SLC4A10: variants seen among roughly 807,000 people sequenced by gnomAD.
The protein encoded by SLC4A10 is sodium-driven chloride bicarbonate exchanger.
In SLC4A10, 42 loss-of-function variants were observed where a neutral mutation model predicts 137.7. That is an observed-to-expected ratio of 0.30 (90% CI 0.24 to 0.39). SLC4A10 has a LOEUF of 0.39. SLC4A10 is among the 10% of genes least tolerant of loss of function. SLC4A10 has a pLI of 1.00. For missense variants in SLC4A10, 925 were observed against 1,355.0 expected, an observed-to-expected ratio of 0.68 and a Z score of 4.98; for synonymous variants, 474 against 464.1, an observed-to-expected ratio of 1.02 and a Z score of -0.27.
chr2:161,823,751 A>G (rs1197164998), intron 3 of SLC4A10, among the ~76,000 whole-genome samples: 6 of 152,230 alleles, frequency 3.9e-5, no homozygotes, highest in Admixed American at 6.5e-5. Flanking sequence ...GATTTTTGTA[A>G]GAGAAAGGAT....
intron 3 of SLC4A10, among the ~76,000 whole-genome samples, chr2:161,830,332 A>G (rs2125735312): frequency 6.6e-6 from 1 of 152,276 alleles, no homozygotes; most frequent in Non-Finnish European, 1.5e-5. Context: ...GGCAGTTTGA[A>G]ATATTAATCC....
chr2:161,978,384 C>CAAAAAAAAAAAAAAAAAAAAAAAAAAAAA (rs61399867), intron 26 of SLC4A10, among the ~76,000 whole-genome samples: 1 of 90,508 alleles, frequency 1.1e-5, no homozygotes, highest in Non-Finnish European at 2.1e-5. Context: ...GAGACTCTGT[C>CAAAAAAAAAAAAAAAAAAAAAAAAAAAAA]AAAAAAAAAA....
At chr2:161,848,656 A>G (rs144097516) in intron 4 of SLC4A10, among the ~76,000 whole-genome samples, 2 of 151,942 alleles carry the variant, frequency 1.3e-5, no homozygotes, top group East Asian at 1.9e-4. Context: ...CTCATTGCTT[A>G]TTTTTATTGG....
At chr2:161,974,408 G>A in intron 24 of SLC4A10, 92 bp downstream of exon 24, 1 of 990,182 alleles carries the variant, frequency 1.0e-6, no homozygotes, top group Non-Finnish European at 1.4e-6. Flanking sequence ...TCCTCAGAGA[G>A]GTTTCTTGAA....
intron 1 of SLC4A10, among the ~76,000 whole-genome samples, chr2:161,703,255 A>G (rs1185153844): frequency 6.6e-6 from 1 of 151,746 alleles, no homozygotes; most frequent in African/African-American, 2.4e-5. Context: ...ATAATATTGA[A>G]AAATGGAAAA....
At chr2:161,759,652 TG>T (rs2050037407) in intron 1 of SLC4A10, among the ~76,000 whole-genome samples, 1 of 152,020 alleles carries the variant, frequency 6.6e-6, no homozygotes, top group African/African-American at 2.4e-5. Context: ...ATGTCATCTT[TG>T]GAAAAATGTT....
chr2:161,945,195 T>TGC (rs1188528354), intron 16 of SLC4A10, among the ~76,000 whole-genome samples: 1 of 44,612 alleles, frequency 2.2e-5, no homozygotes, highest in African/African-American at 7.2e-5. Flanking sequence ...TATATATATA[T>TGC]ATATATATAT....
intron 9 of SLC4A10, among the ~76,000 whole-genome samples, chr2:161,880,669 C>T (rs1471677075): frequency 6.6e-6 from 1 of 152,118 alleles, no homozygotes; most frequent in East Asian, 1.9e-4. Context: ...TTTCTATGGA[C>T]AACCTGTAAC....
intron 1 of SLC4A10, among the ~76,000 whole-genome samples, chr2:161,765,344 C>A (rs981386324): frequency 2.0e-5 from 3 of 152,042 alleles, no homozygotes; most frequent in Non-Finnish European, 2.9e-5. Flanking sequence ...TGGTGGCTCA[C>A]GCCTGTAATC....
intron 8 of SLC4A10, 96 bp downstream of exon 8, chr2:161,874,101 T>C (rs1178514246): frequency 7.4e-6 from 9 of 1,212,536 alleles, no homozygotes; most frequent in Non-Finnish European, 1.0e-5. Context: ...TTGAAATGTA[T>C]TCCATCTGCC....
At chr2:161,804,812 T>C (rs1198818889) in intron 3 of SLC4A10, among the ~76,000 whole-genome samples, 10 of 152,142 alleles carry the variant, frequency 6.6e-5, no homozygotes, top group Admixed American at 5.2e-4. Flanking sequence ...AGATTTATGA[T>C]ATAGGAAATA....
chr2:161,641,778 G>A (rs1054617214), intron 1 of SLC4A10, among the ~76,000 whole-genome samples: 3 of 151,912 alleles, frequency 2.0e-5, no homozygotes, highest in Non-Finnish European at 4.4e-5. Context: ...GTAATATAAG[G>A]TAATATAATA....
At chr2:161,844,022 C>T (rs1323891973) in intron 4 of SLC4A10, among the ~76,000 whole-genome samples, 1 of 152,082 alleles carries the variant, frequency 6.6e-6, no homozygotes, top group African/African-American at 2.4e-5. Flanking sequence ...GAAATCAACA[C>T]AATTACAATG....
At chr2:161,884,372 C>A (rs1352134230) in intron 10 of SLC4A10, among the ~76,000 whole-genome samples, 1 of 152,130 alleles carries the variant, frequency 6.6e-6, no homozygotes, top group East Asian at 1.9e-4. Flanking sequence ...TCTCTTCATC[C>A]TCTACTTCCC....
At chr2:161,768,233 A>T (rs2051143704) in intron 1 of SLC4A10, among the ~76,000 whole-genome samples, 1 of 152,034 alleles carries the variant, frequency 6.6e-6, no homozygotes, top group African/African-American at 2.4e-5. Flanking sequence ...CACTGGATCC[A>T]CAGTGAGACA....
intron 3 of SLC4A10, among the ~76,000 whole-genome samples, chr2:161,837,669 T>A (rs2058902635): frequency 1.3e-5 from 2 of 152,182 alleles, no homozygotes; most frequent in Non-Finnish European, 2.9e-5. Flanking sequence ...GTTGGGAGAC[T>A]CATACCATCT....
At chr2:161,738,731 A>T (rs1399394269) in intron 1 of SLC4A10, among the ~76,000 whole-genome samples, 3 of 152,108 alleles carry the variant, frequency 2.0e-5, no homozygotes, top group Non-Finnish European at 4.4e-5. Flanking sequence ...CTCAGCTTCT[A>T]TTCTTTTTTC....
intron 2 of SLC4A10, among the ~76,000 whole-genome samples, chr2:161,776,124 C>A (rs2052299479): frequency 1.3e-5 from 2 of 151,890 alleles, no homozygotes; most frequent in Admixed American, 6.6e-5. Flanking sequence ...AGTCCAATCA[C>A]CCTCTAGGAT....
intron 1 of SLC4A10, among the ~76,000 whole-genome samples, chr2:161,687,231 A>T (rs1261802730): frequency 6.6e-6 from 1 of 152,158 alleles, no homozygotes; most frequent in Non-Finnish European, 1.5e-5. Context: ...CTAAGTGGAA[A>T]AAAGAGTTAC....
Sources: allele counts gnomAD v4.1 joint callset (sites outside exome capture counted in the v4.1 genomes callset), GRCh38; gene constraint gnomAD v4.1.1; transcripts MANE v1.5; gene names NCBI Gene and HGNC (gene_info 2026-07-23, HGNC 2026-07-21).